The following GPC6 variants were observed in gnomAD, a reference collection of about 807,000 sequenced individuals.
GPC6 encodes glypican 6.
In GPC6, 14 loss-of-function variants were observed where a neutral mutation model predicts 55.2. The ratio of observed to expected loss-of-function variants is 0.25; its 90% confidence interval spans 0.17 to 0.40. The LOEUF (loss-of-function observed/expected upper bound fraction) is 0.40. GPC6 is among the 10% of genes least tolerant of loss of function. GPC6 has a pLI of 1.00. For synonymous variants in GPC6, 278 were observed against 259.6 expected, an observed-to-expected ratio of 1.07 and a Z score of -0.68; for missense variants, 641 against 708.5, an observed-to-expected ratio of 0.90 and a Z score of 1.08.
chr13:94,365,200 G>T (rs1879235858), intron 6 of GPC6, among the ~76,000 whole-genome samples: 1 of 152,134 alleles, frequency 6.6e-6, no homozygotes, highest in Admixed American at 6.5e-5. Context: ...TTCTGGGGAG[G>T]TCCTAGTTGA....
chr13:93,883,439 C>A (rs1875121743), intron 3 of GPC6, among the ~76,000 whole-genome samples: 1 of 152,118 alleles, frequency 6.6e-6, no homozygotes, highest in Non-Finnish European at 1.5e-5. Flanking sequence ...ATGCCAACAT[C>A]TATTTTTTTT....
chr13:93,971,992 C>T (rs1206814463), intron 3 of GPC6, among the ~76,000 whole-genome samples: 1 of 152,182 alleles, frequency 6.6e-6, no homozygotes, highest in Non-Finnish European at 1.5e-5. Context: ...TTGCATGACC[C>T]TGATGTGCAG....
intron 1 of GPC6, among the ~76,000 whole-genome samples, chr13:93,404,109 G>A (rs896637412): frequency 6.6e-6 from 1 of 152,028 alleles, no homozygotes; most frequent in African/African-American, 2.4e-5. Flanking sequence ...GGTGATAAAA[G>A]ATCTCTATTT....
Position 94,398,558 on chromosome 13 carries a change from G to A in GPC6, c.1382G>A (p.Arg461Lys). The change falls in exon 8 of 9, where the codon AGA becomes AAA. Residue 461 changes from arginine to lysine, a missense_variant. Transcript: ENST00000377047. ...ATCACTCGGCCTGACACTTTCATCA[G>A]ACAGCAGATTATGGCTCTCCGTGTG... ...VDITRPDTFI[R>K]QQIMALRVMT... 6.2e-7 allele frequency: 1 copy of A among 1,613,960 alleles called. No homozygotes were observed. The highest frequency in any genetic ancestry group is 8.5e-7 in the Non-Finnish European group (1 of 1,179,808).
chr13:93,805,660 T>G (rs984140432), intron 2 of GPC6, among the ~76,000 whole-genome samples: 2 of 152,190 alleles, frequency 1.3e-5, no homozygotes, highest in Non-Finnish European at 2.9e-5. Flanking sequence ...AGCTATGCCT[T>G]TCTCCATTAA....
At chr13:94,142,043 A>G (rs1044111795) in intron 4 of GPC6, among the ~76,000 whole-genome samples, 1 of 151,808 alleles carries the variant, frequency 6.6e-6, no homozygotes, top group Non-Finnish European at 1.5e-5. Context: ...AATCTTATTG[A>G]ATATCCTATT....
intron 3 of GPC6, among the ~76,000 whole-genome samples, chr13:93,833,960 C>T (rs572064168): frequency 6.3e-4 from 96 of 152,188 alleles, no homozygotes; most frequent in African/African-American, 2.1e-3. Flanking sequence ...GTCAGCCAGC[C>T]AGGATTCATT....
At chr13:94,365,499 G>C (rs1185677907) in intron 6 of GPC6, among the ~76,000 whole-genome samples, 1 of 152,142 alleles carries the variant, frequency 6.6e-6, no homozygotes, top group African/African-American at 2.4e-5. Context: ...ACCACACAAT[G>C]CAAGTCTACA....
intron 1 of GPC6, among the ~76,000 whole-genome samples, chr13:93,424,434 A>G (rs745863826): frequency 2.0e-5 from 3 of 152,112 alleles, no homozygotes; most frequent in Non-Finnish European, 4.4e-5. Context: ...CCCTTCTGGC[A>G]GCTGAGACAT....
intron 1 of GPC6, among the ~76,000 whole-genome samples, chr13:93,364,364 A>T (rs1881161858): frequency 6.6e-6 from 1 of 152,102 alleles, no homozygotes; most frequent in African/African-American, 2.4e-5. Context: ...TATCCAGAGG[A>T]GATGTAAGAA....
chr13:94,279,376 C>T (rs202049936), intron 4 of GPC6, among the ~76,000 whole-genome samples: 1 of 138,742 alleles, frequency 7.2e-6, no homozygotes, highest in Non-Finnish European at 1.6e-5. Flanking sequence ...TGATCTTTTT[C>T]AAAAAAAAAA....
At chr13:94,229,593 A>G (rs1594079067) in intron 4 of GPC6, among the ~76,000 whole-genome samples, 1 of 152,204 alleles carries the variant, frequency 6.6e-6, no homozygotes, top group Admixed American at 6.5e-5. Context: ...GCAAGTATTT[A>G]GGGTAGGGTA....
intron 2 of GPC6, among the ~76,000 whole-genome samples, chr13:93,757,993 A>G (rs1292721966): frequency 6.6e-6 from 1 of 152,160 alleles, no homozygotes; most frequent in African/African-American, 2.4e-5. Context: ...ACATCCAGTC[A>G]CTGTTCCTGT....
At chr13:93,785,835 G>A (rs1480298862) in intron 2 of GPC6, among the ~76,000 whole-genome samples, 1 of 152,020 alleles carries the variant, frequency 6.6e-6, no homozygotes, top group Non-Finnish European at 1.5e-5. Context: ...AGTGGGGTTT[G>A]CCTGTGATCC....
At chr13:94,360,574 C>T (rs190496877) in intron 6 of GPC6, among the ~76,000 whole-genome samples, 5 of 151,228 alleles carry the variant, frequency 3.3e-5, no homozygotes, top group Middle Eastern at 3.4e-3. Context: ...ACCATAGTGG[C>T]GTTAAAAAAA....
At chr13:94,022,937 A>G (rs1246510485) in intron 3 of GPC6, among the ~76,000 whole-genome samples, 1 of 152,112 alleles carries the variant, frequency 6.6e-6, no homozygotes, top group Non-Finnish European at 1.5e-5. Context: ...GTGAGAGCTC[A>G]AATAAGTATT....
At chr13:93,235,071 A>G (rs957810474) in intron 1 of GPC6, among the ~76,000 whole-genome samples, 1 of 152,242 alleles carries the variant, frequency 6.6e-6, no homozygotes, top group Admixed American at 6.5e-5. Context: ...TTGTGCCATA[A>G]TTTCCATCAG....
chr13:93,939,680 G>A (rs2098233032), intron 3 of GPC6, among the ~76,000 whole-genome samples: 1 of 151,990 alleles, frequency 6.6e-6, no homozygotes, highest in Admixed American at 6.6e-5. Flanking sequence ...GAGCTCCTCA[G>A]CTCAAAGAAT....
At chr13:93,418,845 G>A (rs145679590) in intron 1 of GPC6, among the ~76,000 whole-genome samples, 61 of 138,730 alleles carry the variant, frequency 4.4e-4, no homozygotes, top group African/African-American at 9.1e-4. Context: ...GCACTATACC[G>A]TAGCATCACT....
Sources: gnomAD v4.1 joint callset for allele counts (sites outside exome capture counted in the v4.1 genomes callset) on GRCh38, gnomAD v4.1.1 for gene constraint, MANE v1.5 for transcripts, NCBI Gene and HGNC (gene_info 2026-07-23, HGNC 2026-07-21) for gene names.